Variants in HSPA4 observed in about 807,000 individuals in gnomAD.
HSPA4 encodes the protein heat shock protein family A (Hsp70) member 4.
Under a neutral mutation model 106.2 loss-of-function variants are expected in HSPA4, and 25 were observed. That is an observed-to-expected ratio of 0.24 (90% CI 0.17 to 0.33). The LOEUF (loss-of-function observed/expected upper bound fraction) is 0.33. HSPA4 is among the 10% of genes least tolerant of loss of function. The pLI, the probability that HSPA4 is intolerant of heterozygous loss-of-function variation, is 1.00. For missense variants in HSPA4, 841 were observed against 996.0 expected (o/e 0.84, Z 2.10); for synonymous variants, 332 against 333.6 (o/e 1.00, Z 0.05).
At chr5:133,103,400 G>A (rs553785422) in intron 17 of HSPA4, among the ~76,000 whole-genome samples, 16 of 148,704 alleles carry the variant, frequency 1.1e-4, no homozygotes, top group Admixed American at 8.7e-4. Flanking sequence ...ATGTAGTCTC[G>A]CTCTGTTGCC....
intron 7 of HSPA4, among the ~76,000 whole-genome samples, chr5:133,081,135 C>T (rs1207983779): frequency 6.6e-6 from 1 of 152,054 alleles, no homozygotes; most frequent in African/African-American, 2.4e-5. Context: ...TCAACCTCCA[C>T]CTCCCGGGTT....
intron 15 of HSPA4, among the ~76,000 whole-genome samples, chr5:133,098,574 C>T (rs1336464259): frequency 3.3e-5 from 5 of 151,988 alleles, no homozygotes; most frequent in African/African-American, 9.7e-5. Context: ...CCACCTGCCT[C>T]GGCCTCCCAG....
rs1375807534 is a variant in HSPA4, at chr5:133,105,591, G to A, written c.*1155G>A. 1 of 152,178 alleles carries A rather than the reference G, an allele frequency of 6.6e-6. No homozygotes were observed. The highest frequency in any genetic ancestry group is 1.5e-5 in the Non-Finnish European group (1 of 68,030). 9.4% of individuals were successfully genotyped at this position (152,178 alleles called of 1,614,324 possible). A position where few individuals can be genotyped will look rare whatever the true frequency, so the allele number is the denominator to read the frequency against. ...TTTTTGGGGCAGTGTTGACAGGAGT[G>A]AGGCATTTTGGAAACTCCAAGGGAA... On this transcript the variant is annotated 3_prime_UTR_variant, in exon 19 of 19. Transcript: ENST00000304858.
intron 10 of HSPA4, 103 bp from the exon 11 acceptor site, chr5:133,089,457 AAG>A (rs747454571): frequency 3.0e-5 from 30 of 995,596 alleles, no homozygotes; most frequent in Middle Eastern, 3.0e-4. Context: ...ACCAATTGAA[AAG>A]AGAGAGAAAC....
Position 133,086,877 on chromosome 5 carries a change from G to T in HSPA4, c.985+19G>T. The T allele has an allele frequency of 4.5e-6, 7 of 1,550,844 alleles. No homozygotes were observed. Among genetic ancestry groups the T allele is most frequent in the Non-Finnish European group, 6.2e-6 (7 of 1,122,926 alleles). On this transcript the variant is annotated intron_variant, in intron 8 of 18. Coordinates refer to ENST00000304858, the MANE Select transcript of HSPA4 (RefSeq NM_002154.4). ...CAAACCAGTAAGTATTTTTGTGATTGAATTTGTTTGCGTATCTCAGACTGT... is the reference window on the plus strand; with the variant it reads ...CAAACCAGTAAGTATTTTTGTGATTTAATTTGTTTGCGTATCTCAGACTGT...
rs1029194622 is a variant in HSPA4, at chr5:133,052,024, C to T, written c.-227C>T. 6.2e-5 allele frequency: 34 copies of T among 545,236 alleles called. No homozygotes were observed. Among genetic ancestry groups the T allele is most frequent in the Admixed American group, 5.9e-4 (17 of 28,602 alleles). The allele number at this position is 545,236 out of a possible 1,614,324, so 33.8% of individuals were successfully genotyped here. A position where few individuals can be genotyped will look rare whatever the true frequency, so the allele number is the denominator to read the frequency against. On this transcript the variant is annotated 5_prime_UTR_variant, in exon 1 of 19. Coordinates refer to ENST00000304858, the MANE Select transcript of HSPA4 (RefSeq NM_002154.4). Reference sequence around the variant, plus strand: ...CAACGAGATCTTTCGAGATCTTCTCCGCCCCCGCTACCGGCGCCTCCTCTG... The same window carrying T: ...CAACGAGATCTTTCGAGATCTTCTCTGCCCCCGCTACCGGCGCCTCCTCTG...
chr5:133,074,929 T>C (rs1183956612), intron 6 of HSPA4, among the ~76,000 whole-genome samples: 1 of 152,194 alleles, frequency 6.6e-6, no homozygotes, highest in Non-Finnish European at 1.5e-5. Context: ...AGTGTTTGCT[T>C]TAATTATTTG....
chr5:133,084,957 G>T (rs558870770), intron 7 of HSPA4, among the ~76,000 whole-genome samples: 1 of 151,662 alleles, frequency 6.6e-6, no homozygotes, highest in Non-Finnish European at 1.5e-5. Context: ...ACAGGTGTGC[G>T]CCACCATGCC....
chr5:133,055,065 TAAA>T (rs762852601), intron 1 of HSPA4, among the ~76,000 whole-genome samples: 1 of 152,178 alleles, frequency 6.6e-6, no homozygotes, highest in Admixed American at 6.5e-5. Flanking sequence ...TTGTTGCAGA[TAAA>T]AAATTTGCCT....
chr5:133,103,815 A>AGG, intron 17 of HSPA4, 50 bp from the exon 18 acceptor site: 2 of 1,491,276 alleles, frequency 1.3e-6, no homozygotes. Context: ...AGTTGCGGGG[A>AGG]GGGAGGGTAT....
At chr5:133,091,401 T>C (rs746654853) in intron 12 of HSPA4, 27 bp downstream of exon 12, 3 of 1,567,530 alleles carry the variant, frequency 1.9e-6, no homozygotes, top group South Asian at 2.3e-5. Flanking sequence ...ATACCACTTG[T>C]GATGGCCCAG....
At chr5:133,092,832 T>C (rs768649893) in intron 13 of HSPA4, 43 bp downstream of exon 13, 1 of 940,308 alleles carries the variant, frequency 1.1e-6, no homozygotes, top group African/African-American at 2.5e-5. Context: ...TTTTTTTTTT[T>C]TTTTTTGAGA....
At chr5:133,056,715 C>T (rs2126691703) in intron 1 of HSPA4, among the ~76,000 whole-genome samples, 1 of 152,110 alleles carries the variant, frequency 6.6e-6, no homozygotes, top group Admixed American at 6.5e-5. Flanking sequence ...TATAGATTTC[C>T]AGAGGTGAAT....
chr5:133,071,969 C>G (rs1765387328), intron 4 of HSPA4, among the ~76,000 whole-genome samples: 2 of 152,164 alleles, frequency 1.3e-5, no homozygotes, highest in East Asian at 3.8e-4. Flanking sequence ...ATTGGTCTCC[C>G]AGATTTGTTT....
intron 7 of HSPA4, among the ~76,000 whole-genome samples, chr5:133,078,162 C>T (rs1319348155): frequency 6.6e-6 from 1 of 151,524 alleles, no homozygotes; most frequent in African/African-American, 2.4e-5. Flanking sequence ...GAAACCCCGT[C>T]TCTACTAAAA....
chr5:133,102,543 A>G (rs1186631225), intron 17 of HSPA4, among the ~76,000 whole-genome samples: 1 of 152,138 alleles, frequency 6.6e-6, no homozygotes, highest in Non-Finnish European at 1.5e-5. Flanking sequence ...ATAAATTCCA[A>G]CTTATTGAAG....
At chr5:133,060,242 A>G (rs1377252041) in intron 1 of HSPA4, among the ~76,000 whole-genome samples, 1 of 152,140 alleles carries the variant, frequency 6.6e-6, no homozygotes. Context: ...ACCAAGAAGC[A>G]TTGACCTATG....
chr5:133,068,311 A>G (rs1765337210), intron 3 of HSPA4, among the ~76,000 whole-genome samples: 1 of 152,102 alleles, frequency 6.6e-6, no homozygotes, highest in South Asian at 2.1e-4. Context: ...TGGTACATCT[A>G]GTGGAGTCTC....
intron 2 of HSPA4, among the ~76,000 whole-genome samples, chr5:133,065,303 C>T (rs539614343): frequency 6.6e-6 from 1 of 152,248 alleles, no homozygotes. Context: ...TGAAAACAAT[C>T]CAGTGTAACA....
Sources: allele counts gnomAD v4.1 joint callset (sites outside exome capture counted in the v4.1 genomes callset), GRCh38; gene constraint gnomAD v4.1.1; transcripts MANE v1.5; gene names NCBI Gene and HGNC (gene_info 2026-07-23, HGNC 2026-07-21).